The following TGFA variants were observed in gnomAD, a reference collection of about 807,000 sequenced individuals.
The protein encoded by TGFA is protransforming growth factor alpha.
TGFA carries 12 observed loss-of-function variants against 21.7 expected under a neutral mutation model. The ratio of observed to expected loss-of-function variants is 0.55; its 90% CI spans 0.35 to 0.90. The LOEUF is 0.90. TGFA is among the 40% of genes least tolerant of loss of function. The pLI is 0.01. For missense variants in TGFA, 178 were observed against 210.8 expected (o/e 0.84, Z 0.96); for synonymous variants, 79 against 88.1 (o/e 0.90, Z 0.58).
At chr2:70,453,068 A>G in intron 5 of TGFA, 150 bp downstream of exon 5, 3 of 697,446 alleles carry the variant, frequency 4.3e-6, no homozygotes, top group Non-Finnish European at 7.0e-6. Context: ...GCACCTATGA[A>G]TAAACTAAAC....
rs1302678023 is a variant in TGFA at position 70,503,006 on chromosome 2, G to A, written c.94+11853C>T. Among the ~76,000 whole-genome samples the A allele has an allele frequency of 2.6e-5, 4 of 152,294 alleles. No homozygotes were observed. In the East Asian group the frequency reaches 7.7e-4, roughly 29 times the overall value. On this transcript the variant is annotated intron_variant, in intron 2 of 5. Transcript: ENST00000295400. ...CGGAACTAGTTCAACCATTGTGGAA[G>A]TCAGTGTGGGAATTCCTCAGGGATC...
chr2:70,464,661 CT>C (rs1262824139), intron 3 of TGFA, among the ~76,000 whole-genome samples: 3 of 152,184 alleles, frequency 2.0e-5, no homozygotes, highest in Non-Finnish European at 2.9e-5. Flanking sequence ...ATAGGTCCCC[CT>C]AATAGTATTC....
chr2:70,452,000 G>T (rs1670074561), intron 5 of TGFA, among the ~76,000 whole-genome samples: 1 of 152,224 alleles, frequency 6.6e-6, no homozygotes, highest in Non-Finnish European at 1.5e-5. Flanking sequence ...TGTGCACGAT[G>T]ACTATGGTTA....
intron 1 of TGFA, among the ~76,000 whole-genome samples, chr2:70,552,237 CT>C (rs1315631895): frequency 2.0e-5 from 3 of 152,078 alleles, no homozygotes; most frequent in Non-Finnish European, 2.9e-5. Context: ...ATATTAACAC[CT>C]TCTTTATCCG....
intron 2 of TGFA, among the ~76,000 whole-genome samples, chr2:70,505,167 A>G (rs1233670799): frequency 6.6e-6 from 1 of 152,218 alleles, no homozygotes; most frequent in Non-Finnish European, 1.5e-5. Flanking sequence ...GCTTTTGACC[A>G]TTATGTTTAT....
chr2:70,465,812 T>A, intron 2 of TGFA, 76 bp from the exon 3 acceptor site: 1 of 1,581,866 alleles, frequency 6.3e-7, no homozygotes, highest in African/African-American at 1.3e-5. Flanking sequence ...ACCCTACCAG[T>A]CAAGAAGGTG....
intron 2 of TGFA, among the ~76,000 whole-genome samples, chr2:70,471,954 T>C (rs1485810448): frequency 6.6e-6 from 1 of 152,134 alleles, no homozygotes; most frequent in Admixed American, 6.5e-5. Flanking sequence ...AATGATTCTC[T>C]CAGCCTCTCT....
chr2:70,553,288 G>A (rs1325389095), intron 1 of TGFA: 1 of 1,533,566 alleles, frequency 6.5e-7, no homozygotes, highest in African/African-American at 1.4e-5. Context: ...GTGCCAAAGG[G>A]GCGCAGGCAA....
chr2:70,532,514 C>T (rs1276911757), intron 1 of TGFA, among the ~76,000 whole-genome samples: 1 of 152,228 alleles, frequency 6.6e-6, no homozygotes, highest in Non-Finnish European at 1.5e-5. Flanking sequence ...TAGGGATTCC[C>T]TTTCCAACAC....
At chr2:70,471,103 C>T (rs3771510) in intron 2 of TGFA, among the ~76,000 whole-genome samples, 36,616 of 138,560 alleles carry the variant, frequency 0.26, 5,466 homozygotes, top group East Asian at 0.37. Context: ...GCATTCTCCT[C>T]CCCGCACCCC....
chr2:70,514,815 C>T, intron 2 of TGFA, 44 bp downstream of exon 2: 1 of 1,607,044 alleles, frequency 6.2e-7, no homozygotes, highest in Admixed American at 1.7e-5. Flanking sequence ...CAGGCCCGCT[C>T]CCTTCCCACA....
At chr2:70,473,021 A>T (rs1219116857) in intron 2 of TGFA, among the ~76,000 whole-genome samples, 1 of 152,208 alleles carries the variant, frequency 6.6e-6, no homozygotes, top group Non-Finnish European at 1.5e-5. Flanking sequence ...TTTAGTAAAG[A>T]TGGGAGTCAG....
chr2:70,531,416 G>A (rs1369366174), intron 1 of TGFA, among the ~76,000 whole-genome samples: 1 of 152,112 alleles, frequency 6.6e-6, no homozygotes, highest in Non-Finnish European at 1.5e-5. Flanking sequence ...ACCTTTTAAA[G>A]CCTCAAGTAC....
At chr2:70,512,352 C>T (rs537734998) in intron 2 of TGFA, among the ~76,000 whole-genome samples, 65 of 152,208 alleles carry the variant, frequency 4.3e-4, no homozygotes, top group Non-Finnish European at 7.1e-4. Flanking sequence ...AGAGGGCAGA[C>T]GGGCAGCCAC....
intron 2 of TGFA, among the ~76,000 whole-genome samples, chr2:70,514,242 C>T (rs13024466): frequency 6.6e-6 from 1 of 152,116 alleles, no homozygotes; most frequent in Non-Finnish European, 1.5e-5. Context: ...ATTGTTTCCT[C>T]ACCAGGACTA....
At position 70,474,165 on chromosome 2, in the gene TGFA, A is replaced by G. The variant is rs185930824; in HGVS notation, c.95-8429T>C. ...ATCCCCACTGAAGGGCAGAGACTCC[A>G]TATTATCTCACCAAACATCAAAAGC... On this transcript the variant is annotated intron_variant, in intron 2 of 5. Transcript: ENST00000295400. Among the ~76,000 whole-genome samples the G allele has an allele frequency of 2.6e-5, 4 of 152,290 alleles. No individual in the cohort carries two copies. The East Asian group carries it at 7.7e-4, about 29-fold the overall frequency.
chr2:70,463,922 A>G (rs1202501425), intron 3 of TGFA, among the ~76,000 whole-genome samples: 1 of 152,208 alleles, frequency 6.6e-6, no homozygotes, highest in Non-Finnish European at 1.5e-5. Context: ...AGTGTCTATC[A>G]TCATCATCAT....
intron 3 of TGFA, among the ~76,000 whole-genome samples, chr2:70,457,801 C>A (rs1175663172): frequency 2.6e-5 from 4 of 152,148 alleles, no homozygotes; most frequent in African/African-American, 9.7e-5. Context: ...CTCGGCCTCC[C>A]AAAGTGCTGG....
Position 70,553,792 on chromosome 2 carries a change from T to C in TGFA, c.-25A>G. ...TTTTACGGGCGGGCGGGCAGCAGGC[T>C]CTCCAGCCTCCTGCCCTACCTGCGG... On this transcript the variant is annotated 5_prime_UTR_variant, in exon 1 of 6. Coordinates refer to ENST00000295400, the MANE Select transcript of TGFA (RefSeq NM_003236.4). 3.2e-6 allele frequency: 4 copies of C among 1,266,760 alleles called. No homozygotes were observed. Among genetic ancestry groups the C allele is most frequent in the Non-Finnish European group, 4.0e-6 (4 of 999,304 alleles). The allele number at this position is 1,266,760 out of a possible 1,614,324, so 78.5% of individuals were successfully genotyped here. A position where few individuals can be genotyped will look rare whatever the true frequency, so the allele number is the denominator to read the frequency against.
Sources: allele counts gnomAD v4.1 joint callset (sites outside exome capture counted in the v4.1 genomes callset), GRCh38; gene constraint gnomAD v4.1.1; transcripts MANE v1.5; gene names NCBI Gene and HGNC (gene_info 2026-07-23, HGNC 2026-07-21).